ZFHX3: variants seen among roughly 807,000 people sequenced by gnomAD.
The protein encoded by ZFHX3 is zinc finger homeobox protein 3.
In ZFHX3, 42 loss-of-function variants were observed where a neutral mutation model predicts 279.1. The observed-to-expected ratio is 0.15, with a 90% CI of 0.12 to 0.19. ZFHX3 has a LOEUF of 0.19. Among genes scored for constraint, ZFHX3 ranks in the 10% least tolerant of loss-of-function variants. ZFHX3 has a pLI of 1.00. For synonymous variants in ZFHX3, 2,293 were observed against 1,957.8 expected (o/e 1.17, Z -4.52); for missense variants, 4,981 against 4,754.0 (o/e 1.05, Z -1.40).
chr16:73,415,177 T>C (rs560943197), intron 3 of ZFHX3, among the ~76,000 whole-genome samples: 29 of 152,282 alleles, frequency 1.9e-4, no homozygotes, highest in African/African-American at 6.3e-4. Flanking sequence ...GCTAGCAAGA[T>C]AGGCAAAATA....
intron 3 of ZFHX3, among the ~76,000 whole-genome samples, chr16:72,929,541 T>G (rs1054094834): frequency 6.6e-6 from 1 of 152,204 alleles, no homozygotes; most frequent in Non-Finnish European, 1.5e-5. Context: ...TAAGACTATT[T>G]GGCAAAGCTT....
intron 2 of ZFHX3, among the ~76,000 whole-genome samples, chr16:73,530,364 A>G (rs2019777141): frequency 6.6e-6 from 1 of 152,114 alleles, no homozygotes; most frequent in South Asian, 2.1e-4. Flanking sequence ...CAGCCAAACA[A>G]TATGGGAACA....
At chr16:73,576,756 T>C (rs918948055) in intron 2 of ZFHX3, among the ~76,000 whole-genome samples, 1 of 152,126 alleles carries the variant, frequency 6.6e-6, no homozygotes, top group African/African-American at 2.4e-5. Flanking sequence ...GGGTTACATG[T>C]GCAGGTTTGT....
intron 1 of ZFHX3, among the ~76,000 whole-genome samples, chr16:73,698,945 CGT>C (rs879428100): frequency 5.3e-4 from 80 of 152,194 alleles, no homozygotes; most frequent in Admixed American, 1.0e-3. Context: ...AGTGCAGTGG[CGT>C]GATCTCGGCT....
At chr16:73,104,217 T>TTATG (rs1555498880) in intron 7 of ZFHX3, among the ~76,000 whole-genome samples, 16 of 142,064 alleles carry the variant, frequency 1.1e-4, no homozygotes, top group Non-Finnish European at 1.5e-4. Flanking sequence ...TGGATTTATT[T>TTATG]TATGTATTTA....
At chr16:73,717,945 C>T (rs1243267491) in intron 1 of ZFHX3, among the ~76,000 whole-genome samples, 2 of 152,178 alleles carry the variant, frequency 1.3e-5, no homozygotes, top group Non-Finnish European at 2.9e-5. Context: ...TGAAAAGCGG[C>T]CTGTTTGCTC....
At chr16:73,064,183 G>C (rs928488493), upstream of ZFHX3, among the ~76,000 whole-genome samples, 6 of 152,120 alleles carry the variant, frequency 3.9e-5, no homozygotes, top group African/African-American at 1.4e-4. Context: ...TGGGGGGCAG[G>C]AGGCAGGTGG....
intron 2 of ZFHX3, among the ~76,000 whole-genome samples, chr16:73,632,215 T>A (rs2142147952): frequency 1.3e-5 from 2 of 152,278 alleles, no homozygotes; most frequent in African/African-American, 4.8e-5. Flanking sequence ...GTTCTGGGCA[T>A]GGGGTTAGAA....
At chr16:73,891,198 G>A (rs1187046281) in intron 1 of ZFHX3, among the ~76,000 whole-genome samples, 1 of 151,950 alleles carries the variant, frequency 6.6e-6, no homozygotes, top group East Asian at 1.9e-4. Context: ...ATGATTTCCT[G>A]CCTCCCAGCC....
chr16:73,821,494 A>T (rs1280323992), intron 1 of ZFHX3, among the ~76,000 whole-genome samples: 2 of 152,298 alleles, frequency 1.3e-5, no homozygotes, highest in East Asian at 3.9e-4. Context: ...AAACCCTCTA[A>T]GCCTCAGAGT....
intron 5 of ZFHX3, among the ~76,000 whole-genome samples, chr16:72,820,611 G>T (rs1419714501): frequency 6.6e-6 from 1 of 152,160 alleles, no homozygotes; most frequent in African/African-American, 2.4e-5. Flanking sequence ...GAGTCAACCT[G>T]CCTGTCTTTG....
At chr16:72,902,614 T>C (rs1288612615) in intron 3 of ZFHX3, among the ~76,000 whole-genome samples, 1 of 152,260 alleles carries the variant, frequency 6.6e-6, no homozygotes, top group Non-Finnish European at 1.5e-5. Context: ...CTCCTTTTCC[T>C]GCTTTCCTTA....
intron 2 of ZFHX3, among the ~76,000 whole-genome samples, chr16:73,509,976 A>G (rs911518711): frequency 3.9e-5 from 6 of 152,318 alleles, no homozygotes; most frequent in South Asian, 4.1e-4. Context: ...GAGTACAGGC[A>G]TGAGCCATCA....
chr16:73,383,685 G>T (rs2016853298), intron 3 of ZFHX3, among the ~76,000 whole-genome samples: 1 of 132,252 alleles, frequency 7.6e-6, no homozygotes, highest in Non-Finnish European at 1.6e-5. Flanking sequence ...TGGAGGGGTG[G>T]GGGGTGGGCA....
At chr16:73,368,908 A>T (rs1187386970) in intron 3 of ZFHX3, among the ~76,000 whole-genome samples, 2 of 152,212 alleles carry the variant, frequency 1.3e-5, no homozygotes, top group Admixed American at 6.5e-5. Context: ...GCCTAAGGTC[A>T]CACAGCTGAT....
At chr16:73,854,680 T>G (rs1483040295) in intron 1 of ZFHX3, among the ~76,000 whole-genome samples, 1 of 144,366 alleles carries the variant, frequency 6.9e-6, no homozygotes, top group African/African-American at 2.6e-5. Context: ...ATACTAAGTC[T>G]GCTTGCTGGA....
chr16:73,050,714 G>C (rs1284166037), upstream of ZFHX3, among the ~76,000 whole-genome samples: 1 of 152,088 alleles, frequency 6.6e-6, no homozygotes, highest in Non-Finnish European at 1.5e-5. Flanking sequence ...GGCCTACCCA[G>C]CAGTGACAGC....
At chr16:73,689,852 T>G (rs2053130549) in intron 1 of ZFHX3, among the ~76,000 whole-genome samples, 1 of 150,080 alleles carries the variant, frequency 6.7e-6, no homozygotes, top group African/African-American at 2.5e-5. Flanking sequence ...TGAGATGGAG[T>G]CTCGCTCTGT....
chr16:73,013,350 C>T (rs892787167), intron 1 of ZFHX3, among the ~76,000 whole-genome samples: 29 of 152,110 alleles, frequency 1.9e-4, no homozygotes, highest in African/African-American at 3.6e-4. Flanking sequence ...TGCAGTAGTA[C>T]GATGTTGGCT....
Sources: allele counts gnomAD v4.1 joint callset (sites outside exome capture counted in the v4.1 genomes callset), GRCh38; gene constraint gnomAD v4.1.1; transcripts MANE v1.5; gene names NCBI Gene and HGNC (gene_info 2026-07-23, HGNC 2026-07-21).